IL7: variants seen among roughly 807,000 people sequenced by gnomAD.
IL7 encodes interleukin 7.
Under a neutral mutation model 21.6 loss-of-function variants are expected in IL7, and 3 were observed. The observed-to-expected ratio is 0.14, with a 90% confidence interval of 0.06 to 0.36. The LOEUF is 0.36. Ranked by LOEUF, IL7 falls within the 10% of genes least tolerant of loss-of-function variation. IL7 has a pLI of 1.00. For missense variants in IL7, 175 were observed against 200.2 expected, an observed-to-expected ratio of 0.87 and a Z score of 0.76; for synonymous variants, 62 against 68.1, an observed-to-expected ratio of 0.91 and a Z score of 0.44.
chr8:78,772,418 T>A (rs1812987601), intron 2 of IL7, among the ~76,000 whole-genome samples: 1 of 152,182 alleles, frequency 6.6e-6, no homozygotes, highest in Non-Finnish European at 1.5e-5. Flanking sequence ...ATATGCATAT[T>A]CAGATTTTAT....
chr8:78,733,586 A>C lies in IL7; in HGVS notation c.*127T>G. 3.2e-6 allele frequency: 3 copies of C among 929,758 alleles called. No individual in the cohort carries two copies. The highest frequency in any genetic ancestry group is 2.8e-5 in the East Asian group (1 of 36,316). 57.6% of individuals were successfully genotyped at this position (929,758 alleles called of 1,614,324 possible). ...CAATATGCATTTCTCAAATGCCCTA[A>C]TCCGTTTTGACCATGGTGCATTCAG... On this transcript the variant is annotated 3_prime_UTR_variant, in exon 6 of 6. Coordinates refer to ENST00000263851, the MANE Select transcript of IL7 (RefSeq NM_000880.4).
At chr8:78,727,643 AT>A (rs1194656986) in intron 3 of IL7, among the ~76,000 whole-genome samples, 1 of 152,038 alleles carries the variant, frequency 6.6e-6, no homozygotes, top group African/African-American at 2.4e-5. Context: ...CCTGAGAAAT[AT>A]GTATCCAAAC....
intron 3 of IL7, among the ~76,000 whole-genome samples, chr8:78,722,332 A>G (rs540225683): frequency 1.3e-3 from 198 of 152,098 alleles, no homozygotes; most frequent in Non-Finnish European, 2.4e-3. Context: ...TGTCAACTAG[A>G]GGTATAATTT....
At chr8:78,693,583 G>GT (rs1047262765) in intron 3 of IL7, among the ~76,000 whole-genome samples, 3 of 151,946 alleles carry the variant, frequency 2.0e-5, no homozygotes, top group Admixed American at 1.3e-4. Flanking sequence ...GGGGTTGTTT[G>GT]TTTTTTTCTT....
At chr8:78,675,935 A>G (rs1033095477) in exon 5 of IL7, 2 of 1,331,072 alleles carry the variant, frequency 1.5e-6, no homozygotes, top group African/African-American at 1.5e-5. Context: ...GTCAATTCTC[A>G]TGGGAAGAAT....
intron 2 of IL7, among the ~76,000 whole-genome samples, chr8:78,768,185 G>A (rs1812823573): frequency 6.6e-6 from 1 of 152,136 alleles, no homozygotes; most frequent in African/African-American, 2.4e-5. Flanking sequence ...GGACATTTGG[G>A]TTGGTTCCAA....
At chr8:78,793,927 T>C (rs1813774394) in intron 2 of IL7, among the ~76,000 whole-genome samples, 3 of 152,194 alleles carry the variant, frequency 2.0e-5, no homozygotes, top group Non-Finnish European at 4.4e-5. Context: ...GAAACCACTT[T>C]CTTTGCTCAT....
At chr8:78,769,307 CCTT>C (rs1324799066) in intron 2 of IL7, among the ~76,000 whole-genome samples, 1 of 152,104 alleles carries the variant, frequency 6.6e-6, no homozygotes, top group Non-Finnish European at 1.5e-5. Context: ...CCCAAAATCT[CCTT>C]AAGCTGATAG....
intron 3 of IL7, among the ~76,000 whole-genome samples, chr8:78,697,957 C>T (rs753347272): frequency 2.2e-4 from 33 of 152,062 alleles, no homozygotes; most frequent in African/African-American, 7.2e-4. Context: ...AGATTACTGG[C>T]GTGAGCCACC....
At chr8:78,761,063 G>C in intron 2 of IL7, 1 of 1,611,648 alleles carries the variant, frequency 6.2e-7, no homozygotes, top group Non-Finnish European at 8.5e-7. Flanking sequence ...TCTAATATTT[G>C]TGTCACTATT....
At chr8:78,703,704 A>AT (rs1563635720) in intron 3 of IL7, among the ~76,000 whole-genome samples, 1 of 152,144 alleles carries the variant, frequency 6.6e-6, no homozygotes, top group Non-Finnish European at 1.5e-5. Flanking sequence ...TGAAGACAGC[A>AT]TACCAATGGA....
At chr8:78,739,016 G>A (rs1811689165) in intron 3 of IL7, among the ~76,000 whole-genome samples, 1 of 152,066 alleles carries the variant, frequency 6.6e-6, no homozygotes, top group Admixed American at 6.5e-5. Flanking sequence ...TTTTTTCTTA[G>A]TATTTCTTGC....
intron 2 of IL7, among the ~76,000 whole-genome samples, chr8:78,763,771 C>A (rs1812657502): frequency 6.6e-6 from 1 of 152,182 alleles, no homozygotes; most frequent in Non-Finnish European, 1.5e-5. Flanking sequence ...CAATGCTCCA[C>A]ACTATCTGAC....
chr8:78,735,641 A>C (rs567457119), intron 5 of IL7, among the ~76,000 whole-genome samples: 30 of 152,080 alleles, frequency 2.0e-4, no homozygotes, highest in Non-Finnish European at 3.4e-4. Flanking sequence ...TCTCTTAGTG[A>C]AAAGCCTTCA....
intron 2 of IL7, among the ~76,000 whole-genome samples, chr8:78,775,899 A>G (rs1813122226): frequency 6.6e-6 from 1 of 151,984 alleles, no homozygotes; most frequent in South Asian, 2.1e-4. Flanking sequence ...TGCTAAATAA[A>G]TATTTAGTGG....
chr8:78,698,557 C>T lies in IL7; in HGVS notation n.215-12610G>A, dbSNP rs369116870. ...TAATTATTAGTGGTATATAATTAAA[C>T]GATACTAAGGTTTTGTTATGTTTTG... On this transcript the variant is annotated intron_variant and non_coding_transcript_variant, in intron 3 of 4. Transcript: ENST00000523959. The T allele has an allele frequency of 3.5e-4, 487 of 1,376,706 alleles. 6 individuals carry two copies. The South Asian group carries it at 5.2e-3, about 15-fold the overall frequency. 85.3% of individuals were successfully genotyped at this position (1,376,706 alleles called of 1,614,324 possible). A position where few individuals can be genotyped will look rare whatever the true frequency, so the allele number is the denominator to read the frequency against.
In IL7 at chr8:78,687,884, T is replaced by C. The variant is rs190553943; in HGVS notation, n.215-1937A>G. Among the ~76,000 whole-genome samples, 867 of 123,712 alleles carry C rather than the reference T, an allele frequency of 7.0e-3. 11 individuals are homozygous for C. The highest frequency in any genetic ancestry group is 0.023 in the African/African-American group (786 of 34,838). 81.2% of individuals were successfully genotyped at this position (123,712 alleles called of 152,430 possible). The stretch of plus-strand genomic sequence containing the variant: ...TATATCTATATAATAAATATATATT[T>C]ATATAATAAATTATATATATTTATA... On this transcript the variant is annotated intron_variant and non_coding_transcript_variant, in intron 3 of 4. Coordinates refer to the IL7 transcript ENST00000523959.
chr8:78,683,279 A>G (rs1809849700), intron 4 of IL7, among the ~76,000 whole-genome samples: 1 of 152,228 alleles, frequency 6.6e-6, no homozygotes, highest in Non-Finnish European at 1.5e-5. Flanking sequence ...GCAGTGCCCT[A>G]GCAGAGGTTC....
At chr8:78,747,235 G>A (rs2130719998) in intron 2 of IL7, 1 of 358,604 alleles carries the variant, frequency 2.8e-6, no homozygotes, top group Middle Eastern at 1.0e-3. Context: ...GCCCAGGCTG[G>A]AGTGCAGTGG....
Sources: allele counts gnomAD v4.1 joint callset (sites outside exome capture counted in the v4.1 genomes callset), GRCh38; gene constraint gnomAD v4.1.1; transcripts MANE v1.5; gene names NCBI Gene and HGNC (gene_info 2026-07-23, HGNC 2026-07-21).